The following SLC13A3 variants were observed in gnomAD, a reference collection of about 807,000 sequenced individuals.
The protein encoded by SLC13A3 is Na(+)/dicarboxylate cotransporter 3.
A neutral mutation model predicts 59.0 loss-of-function variants in SLC13A3; 40 were observed. The observed-to-expected ratio is 0.68, with a 90% CI of 0.53 to 0.88. The LOEUF (loss-of-function observed/expected upper bound fraction) is 0.88, where lower values mean the gene tolerates loss of function less well. Ranked by LOEUF, SLC13A3 falls within the 40% of genes least tolerant of loss-of-function variation. SLC13A3 has a pLI of 0.00. For synonymous variants in SLC13A3, 317 were observed against 330.3 expected, an observed-to-expected ratio of 0.96 and a Z score of 0.44; for missense variants, 699 against 783.2, an observed-to-expected ratio of 0.89 and a Z score of 1.28.
intron 4 of SLC13A3, 77 bp downstream of exon 4, chr20:46,599,894 T>A: frequency 8.6e-7 from 1 of 1,165,068 alleles, no homozygotes. Flanking sequence ...AGGAAAATGG[T>A]TTGCAGCATT....
chr20:46,674,091 A>T (rs2063108133), upstream of SLC13A3, among the ~76,000 whole-genome samples: 1 of 152,154 alleles, frequency 6.6e-6, no homozygotes, highest in Non-Finnish European at 1.5e-5. Flanking sequence ...AGAGAGTATG[A>T]GGGGAATCTT....
chr20:46,583,624 C>T lies in SLC13A3; in HGVS notation c.1167G>A (p.Leu389=). The change falls in exon 9 of 13, where the codon TTG becomes TTA. Residue 389 remains leucine, a synonymous_variant. Coordinates refer to ENST00000279027, the MANE Select transcript of SLC13A3 (RefSeq NM_022829.6). The part of the protein sequence containing the change: ...AVTGVAIVTI[L]FFFPSQRPSL... Reference sequence around the variant, plus strand: ...AGGGCCTTTGGGACGGGAAGAAGAACAAGATGGTGACAATAGCCACGCCGG... The same window carrying T: ...AGGGCCTTTGGGACGGGAAGAAGAATAAGATGGTGACAATAGCCACGCCGG... 2 of 1,613,794 alleles carry T rather than the reference C, an allele frequency of 1.2e-6. No individual in the cohort carries two copies. Among genetic ancestry groups the T allele is most frequent in the Admixed American group, 1.7e-5 (1 of 59,948 alleles).
At chr20:46,616,856 C>A (rs1414341201) in intron 1 of SLC13A3, among the ~76,000 whole-genome samples, 1 of 152,170 alleles carries the variant, frequency 6.6e-6, no homozygotes, top group East Asian at 1.9e-4. Context: ...CAGCTGGGAA[C>A]AATCGGTTTC....
At chr20:46,681,346 T>G (rs1199769471) in intron 1 of SLC13A3, among the ~76,000 whole-genome samples, 1 of 151,456 alleles carries the variant, frequency 6.6e-6, no homozygotes, top group Non-Finnish European at 1.5e-5. Context: ...AATGAACACG[T>G]TCAAGGAAAG....
intron 1 of SLC13A3, among the ~76,000 whole-genome samples, chr20:46,614,044 G>C (rs2062530758): frequency 6.6e-6 from 1 of 152,232 alleles, no homozygotes; most frequent in Admixed American, 6.5e-5. Context: ...AGATAAAGAC[G>C]AGAATGAAAA....
upstream of SLC13A3, among the ~76,000 whole-genome samples, chr20:46,673,334 G>A (rs1010376114): frequency 6.6e-6 from 1 of 152,180 alleles, no homozygotes; most frequent in African/African-American, 2.4e-5. Context: ...AGTTATGGAG[G>A]CTTGCTGTGT....
upstream of SLC13A3, among the ~76,000 whole-genome samples, chr20:46,671,013 G>A (rs140676367): frequency 9.9e-5 from 15 of 152,168 alleles, no homozygotes; most frequent in East Asian, 1.5e-3. Flanking sequence ...ATGAGCAAGC[G>A]GAAGACTTAT....
At chr20:46,613,803 A>C (rs1600562323) in intron 1 of SLC13A3, 78 bp from the exon 2 acceptor site, 4 of 801,226 alleles carry the variant, frequency 5.0e-6, no homozygotes, top group South Asian at 2.0e-5. Flanking sequence ...CTCAGGGCAG[A>C]GGGGGAAGGA....
intron 11 of SLC13A3, 81 bp from the exon 12 acceptor site, chr20:46,563,632 G>GAGAGAT: frequency 2.7e-6 from 4 of 1,455,548 alleles, no homozygotes; most frequent in South Asian, 2.7e-5. Flanking sequence ...GAGAGAGAGA[G>GAGAGAT]GCAGTTGGAA....
intron 3 of SLC13A3, among the ~76,000 whole-genome samples, chr20:46,607,832 G>T (rs1474945797): frequency 6.6e-6 from 1 of 152,210 alleles, no homozygotes; most frequent in Non-Finnish European, 1.5e-5. Context: ...GCGTAACGGG[G>T]GGTGGGAGGA....
At chr20:46,561,812 G>C (rs1372780319) in intron 12 of SLC13A3, among the ~76,000 whole-genome samples, 2 of 152,030 alleles carry the variant, frequency 1.3e-5, no homozygotes, top group African/African-American at 2.4e-5. Context: ...AGAGGGAGTC[G>C]GGCCGACATG....
intron 1 of SLC13A3, among the ~76,000 whole-genome samples, chr20:46,657,088 A>G (rs2062999107): frequency 1.3e-5 from 2 of 152,122 alleles, no homozygotes; most frequent in African/African-American, 4.8e-5. Flanking sequence ...AGCCTGGTCA[A>G]CATGGCAAAA....
At chr20:46,605,547 T>C (rs899222869) in intron 3 of SLC13A3, among the ~76,000 whole-genome samples, 1 of 152,156 alleles carries the variant, frequency 6.6e-6, no homozygotes, top group Non-Finnish European at 1.5e-5. Flanking sequence ...CTTACAGCTG[T>C]CTCCAAGCAG....
intron 1 of SLC13A3, among the ~76,000 whole-genome samples, chr20:46,616,500 G>T (rs1051420400): frequency 1.3e-5 from 2 of 152,178 alleles, no homozygotes; most frequent in Admixed American, 1.3e-4. Flanking sequence ...GAGAGGGGAA[G>T]AATGAGTCAG....
intron 1 of SLC13A3, among the ~76,000 whole-genome samples, chr20:46,680,541 A>G (rs1220739790): frequency 6.6e-6 from 1 of 152,116 alleles, no homozygotes; most frequent in Admixed American, 6.5e-5. Context: ...CCAGGGATCA[A>G]CTCACAGTAG....
intron 8 of SLC13A3, 32 bp downstream of exon 8, chr20:46,588,027 G>T: frequency 7.4e-7 from 1 of 1,358,888 alleles, no homozygotes; most frequent in Non-Finnish European, 1.0e-6. Context: ...CCTCCCTGTT[G>T]GACTCCTCCC....
intron 1 of SLC13A3, among the ~76,000 whole-genome samples, chr20:46,635,015 T>G (rs951195491): frequency 6.6e-6 from 1 of 152,158 alleles, no homozygotes; most frequent in Admixed American, 6.5e-5. Context: ...CCGAAGGCAC[T>G]GGGGTGGGAC....
chr20:46,569,556 T>C (rs2062011647), intron 10 of SLC13A3, among the ~76,000 whole-genome samples: 1 of 152,216 alleles, frequency 6.6e-6, no homozygotes, highest in Non-Finnish European at 1.5e-5. Context: ...ATAGTGCCTG[T>C]CCCAGAAGGT....
intron 1 of SLC13A3, among the ~76,000 whole-genome samples, chr20:46,628,128 C>T (rs1425326116): frequency 2.0e-5 from 3 of 152,160 alleles, no homozygotes; most frequent in Non-Finnish European, 4.4e-5. Flanking sequence ...AGGCTTCCCT[C>T]GGATCTTCAA....
Sources: gnomAD v4.1 joint callset for allele counts (sites outside exome capture counted in the v4.1 genomes callset) on GRCh38, gnomAD v4.1.1 for gene constraint, MANE v1.5 for transcripts, NCBI Gene and HGNC (gene_info 2026-07-23, HGNC 2026-07-21) for gene names.